HOXA3: variants seen among roughly 807,000 people sequenced by gnomAD.
HOXA3 encodes homeobox protein Hox-A3.
Under a neutral mutation model 30.3 loss-of-function variants are expected in HOXA3, and 8 were observed. That is an observed-to-expected ratio of 0.26 (90% CI 0.15 to 0.48). HOXA3 has a LOEUF of 0.48. Ranked by LOEUF, HOXA3 falls within the 20% of genes least tolerant of loss-of-function variation. The pLI is 0.99. For missense variants in HOXA3, 653 were observed against 614.4 expected (o/e 1.06, Z -0.66); for synonymous variants, 323 against 273.1 (o/e 1.18, Z -1.80).
At chr7:27,129,533 G>C in intron 2 of HOXA3, 2 of 1,613,996 alleles carry the variant, frequency 1.2e-6, no homozygotes, top group Non-Finnish European at 1.7e-6. Context: ...TAGGCGGTTC[G>C]AGAGCGCTTA....
At chr7:27,136,376 C>T (rs143546071) in intron 2 of HOXA3, among the ~76,000 whole-genome samples, 253 of 152,274 alleles carry the variant, frequency 1.7e-3, no homozygotes, top group African/African-American at 5.7e-3. Flanking sequence ...TGAAATCACT[C>T]GTGATTCTAT....
At chr7:27,121,189 A>G (rs1431934413) in intron 4 of HOXA3, 1 of 151,004 alleles carries the variant, frequency 6.6e-6, no homozygotes, top group Non-Finnish European at 1.5e-5. Flanking sequence ...TCTACTCAGC[A>G]TCAGGTAAGG....
At position 27,110,356 on chromosome 7, in the gene HOXA3, G is replaced by T; in HGVS notation, c.285C>A (p.Pro95=). 1 of 1,504,618 alleles carries T rather than the reference G, an allele frequency of 6.6e-7. No individual in the cohort carries two copies. The highest frequency in any genetic ancestry group is 8.8e-7 in the Non-Finnish European group (1 of 1,131,364). The allele number at this position is 1,504,618 out of a possible 1,614,324, so 93.2% of individuals were successfully genotyped here. The change falls in exon 5 of 6, where the codon CCC becomes CCA. Residue 95 remains proline, a synonymous_variant. Coordinates refer to ENST00000612286, the MANE Select transcript of HOXA3 (RefSeq NM_153631.3). ...GCTGTGGGGCAGGGGGCGCGGCCTG[G>T]GGCGGCGGCGGGTGCAGGGGCGGCT... is the stretch of plus-strand genomic sequence containing the variant. ...LGEPPLHPPP[P]QAAPPAPQPP...
In HOXA3 at chr7:27,129,123, G is replaced by A. The variant is rs988428738; in HGVS notation, c.-389-2053C>T. The A allele has an allele frequency of 2.8e-5, 22 of 798,422 alleles. No individual in the cohort carries two copies. The African/African-American group carries it at 3.6e-4, about 13-fold the overall frequency. 49.5% of individuals were successfully genotyped at this position (798,422 alleles called of 1,614,324 possible). On this transcript the variant is annotated intron_variant, in intron 2 of 5. Transcript: ENST00000612286. ...TTCACCAATTTGGGTTTGTTTTGGT[G>A]TCTATTATGGTCCAGATGGGGAGGG...
chr7:27,138,077 G>A (rs1785767549), intron 2 of HOXA3, among the ~76,000 whole-genome samples: 1 of 152,006 alleles, frequency 6.6e-6, no homozygotes, highest in South Asian at 2.1e-4. Context: ...AGCAAAACAA[G>A]GAATCCAGTA....
In HOXA3 at chr7:27,130,358, G is replaced by C. The variant is rs561219190; in HGVS notation, c.-389-3288C>G. The C allele has an allele frequency of 1.4e-4, 156 of 1,134,360 alleles. No homozygotes were observed. The African/African-American group carries it at 2.3e-3, about 17-fold the overall frequency. 70.3% of individuals were successfully genotyped at this position (1,134,360 alleles called of 1,614,324 possible). On this transcript the variant is annotated intron_variant, in intron 2 of 5. Transcript: ENST00000612286. The stretch of plus-strand genomic sequence containing the variant: ...TGGCTCGCATGCAGGCCGTGCGCTG[G>C]GCCCTTGGCTTGCGCCGGGGGCTGC...
chr7:27,148,137 C>T (rs957292027), intron 1 of HOXA3, among the ~76,000 whole-genome samples: 27 of 152,394 alleles, frequency 1.8e-4, no homozygotes, highest in Non-Finnish European at 2.8e-4. Flanking sequence ...GCCAGGTCCC[C>T]TCCTTCCTCC....
At chr7:27,150,443 G>C (rs1782932101) in intron 1 of HOXA3, 1 of 152,540 alleles carries the variant, frequency 6.6e-6, no homozygotes, top group South Asian at 2.1e-4. Flanking sequence ...GTGGGACCTT[G>C]AAGGCCACCT....
chr7:27,123,181 G>A (rs1041733260), intron 3 of HOXA3: 1 of 152,324 alleles, frequency 6.6e-6, no homozygotes, highest in Non-Finnish European at 1.5e-5. Flanking sequence ...CCACTGGCCA[G>A]AGGCAGTCTT....
chr7:27,147,763 T>G, intron 1 of HOXA3: 2 of 1,595,844 alleles, frequency 1.3e-6, no homozygotes, highest in Non-Finnish European at 1.7e-6. Context: ...CGCGCCCCTC[T>G]GCAGGACTGT....
In HOXA3 at chr7:27,133,862, G is replaced by A. The variant is rs188206671; in HGVS notation, c.-390+6221C>T. Among the ~76,000 whole-genome samples the A allele has an allele frequency of 1.7e-4, 26 of 152,192 alleles. 1 individual carries two copies. The highest frequency in any genetic ancestry group is 4.6e-4 in the African/African-American group (19 of 41,508). Reference sequence around the variant, plus strand: ...GACAGTCTTTGTTAAATCACAAGGCGCGCCCTTCACTAGCCGACATTTTCA... The same window carrying A: ...GACAGTCTTTGTTAAATCACAAGGCACGCCCTTCACTAGCCGACATTTTCA... On this transcript the variant is annotated intron_variant, in intron 2 of 5. Transcript: ENST00000612286.
intron 2 of HOXA3, among the ~76,000 whole-genome samples, chr7:27,132,471 G>T (rs2128055821): frequency 1.3e-5 from 2 of 152,238 alleles, no homozygotes; most frequent in Admixed American, 1.3e-4. Context: ...AACTAATTTA[G>T]GAAAAGAGGT....
chr7:27,132,475 A>C (rs1031053933), intron 2 of HOXA3, among the ~76,000 whole-genome samples: 1 of 152,264 alleles, frequency 6.6e-6, no homozygotes, highest in Non-Finnish European at 1.5e-5. Flanking sequence ...AATTTAGGAA[A>C]AGAGGTTAAA....
intron 1 of HOXA3, among the ~76,000 whole-genome samples, chr7:27,147,981 C>T (rs1179941867): frequency 2.0e-5 from 3 of 152,196 alleles, no homozygotes; most frequent in African/African-American, 7.2e-5. Context: ...CCCGCCCGCC[C>T]GCCGCCCGCC....
At chr7:27,114,831 TA>T (rs1370824064) in intron 4 of HOXA3, among the ~76,000 whole-genome samples, 3 of 90,372 alleles carry the variant, frequency 3.3e-5, no homozygotes, top group African/African-American at 1.2e-4. Context: ...ATATATAATA[TA>T]TATTATATAT....
intron 4 of HOXA3, chr7:27,122,063 A>T (rs1162895689): frequency 6.6e-6 from 1 of 152,624 alleles, no homozygotes; most frequent in African/African-American, 2.4e-5. Context: ...GCCGAAGGAA[A>T]GGCAAAATGG....
intron 1 of HOXA3, among the ~76,000 whole-genome samples, chr7:27,145,201 T>G (rs749609908): frequency 1.3e-5 from 2 of 152,150 alleles, no homozygotes; most frequent in Non-Finnish European, 2.9e-5. Context: ...ATGATGCCCT[T>G]CGGGACTTAC....
intron 2 of HOXA3, among the ~76,000 whole-genome samples, chr7:27,135,928 T>C (rs1480909313): frequency 1.3e-5 from 2 of 152,230 alleles, no homozygotes; most frequent in Non-Finnish European, 2.9e-5. Flanking sequence ...AGATACAGCA[T>C]GTATTACTCT....
At chr7:27,129,567 G>T (rs1161814343) in intron 2 of HOXA3, 1 of 1,612,478 alleles carries the variant, frequency 6.2e-7, no homozygotes, top group East Asian at 2.2e-5. Context: ...TATAACTGGG[G>T]TTAACTGAAA....
Sources: allele counts gnomAD v4.1 joint callset (sites outside exome capture counted in the v4.1 genomes callset), GRCh38; gene constraint gnomAD v4.1.1; transcripts MANE v1.5; gene names NCBI Gene and HGNC (gene_info 2026-07-23, HGNC 2026-07-21).